The following MGAT4C variants were observed in gnomAD, a reference collection of about 807,000 sequenced individuals.
The protein encoded by MGAT4C is alpha-1,3-mannosyl-glycoprotein 4-beta-N-acetylglucosaminyltransferase C.
A neutral mutation model predicts 40.1 loss-of-function variants in MGAT4C; 19 were observed. The ratio of observed to expected loss-of-function variants is 0.47; its 90% CI spans 0.33 to 0.70. The LOEUF (loss-of-function observed/expected upper bound fraction) is 0.70. Among genes scored for constraint, MGAT4C ranks in the 30% least tolerant of loss-of-function variants. The pLI, the probability that MGAT4C is intolerant of heterozygous loss-of-function variation, is 0.02. For missense variants in MGAT4C, 491 were observed against 563.2 expected (o/e 0.87, Z 1.30); for synonymous variants, 181 against 187.1 (o/e 0.97, Z 0.27).
intron 4 of MGAT4C, among the ~76,000 whole-genome samples, chr12:86,319,030 GATGTGAC>G (rs902584074): frequency 2.0e-5 from 3 of 152,086 alleles, no homozygotes; most frequent in African/African-American, 7.2e-5. Flanking sequence ...TATTTCTTAA[GATGTGAC>G]AAACACCTAA....
chr12:86,596,547 CT>C (rs1229809186), intron 2 of MGAT4C, among the ~76,000 whole-genome samples: 1 of 152,132 alleles, frequency 6.6e-6, no homozygotes, highest in African/African-American at 2.4e-5. Context: ...GTTTTGTAAG[CT>C]TACTTTTTGG....
At chr12:86,260,927 T>C (rs1952645147), upstream of MGAT4C, among the ~76,000 whole-genome samples, 1 of 151,998 alleles carries the variant, frequency 6.6e-6, no homozygotes, top group African/African-American at 2.4e-5. Context: ...AACAAAGCTA[T>C]ATACCTTTTT....
upstream of MGAT4C, among the ~76,000 whole-genome samples, chr12:86,258,214 TG>T (rs1448471864): frequency 1.3e-5 from 2 of 151,926 alleles, no homozygotes; most frequent in African/African-American, 4.8e-5. Context: ...ATTTTTTTTT[TG>T]TTTGTTTGTT....
At chr12:86,094,182 T>C (rs1489326529) in intron 1 of MGAT4C, among the ~76,000 whole-genome samples, 1 of 152,082 alleles carries the variant, frequency 6.6e-6, no homozygotes, top group African/African-American at 2.4e-5. Context: ...AGCAATGTTA[T>C]ATGTACAAAA....
In MGAT4C at chr12:86,098,112, A is replaced by G. The variant is rs539025167; in HGVS notation, c.-56-48389T>C. 5.3e-5 allele frequency among the ~76,000 whole-genome samples: 8 copies of G among 151,838 alleles called. No individual in the cohort carries two copies. The South Asian group carries it at 1.7e-3, about 31-fold the overall frequency. ...GAGAAGCATTTCCTGTACTCAAGTC[A>G]TATTATATGTAATACATAAATTATA... is the stretch of plus-strand genomic sequence containing the variant. On this transcript the variant is annotated intron_variant, in intron 1 of 4. Transcript: ENST00000611864.
intron 3 of MGAT4C, among the ~76,000 whole-genome samples, chr12:86,421,587 C>G (rs1335261224): frequency 6.6e-6 from 1 of 152,068 alleles, no homozygotes; most frequent in East Asian, 1.9e-4. Flanking sequence ...GCCTTGCCAA[C>G]TAGCCTAGAG....
intron 2 of MGAT4C, among the ~76,000 whole-genome samples, chr12:86,026,328 A>T (rs372059859): frequency 6.6e-6 from 1 of 151,678 alleles, no homozygotes; most frequent in African/African-American, 2.4e-5. Flanking sequence ...GTGCATGCAC[A>T]TGCACACACA....
chr12:86,817,064 T>C lies in MGAT4C; in HGVS notation c.-262+21602A>G, dbSNP rs530860860. Among the ~76,000 whole-genome samples the C allele has an allele frequency of 1.6e-3, 238 of 150,894 alleles. 2 individuals are homozygous for C. Among genetic ancestry groups the C allele is most frequent in the Non-Finnish European group, 3.0e-3 (200 of 67,438 alleles). On this transcript the variant is annotated intron_variant, in intron 1 of 7. Coordinates refer to the MGAT4C transcript ENST00000548651. ...GTATATTCAGTTGCCTTCCTATTATTAAACCATTGAATTATACATGTTACA... is the reference window on the plus strand; with the variant it reads ...GTATATTCAGTTGCCTTCCTATTATCAAACCATTGAATTATACATGTTACA...
chr12:86,837,337 C>A (rs144909506), intron 1 of MGAT4C, among the ~76,000 whole-genome samples: 93 of 152,066 alleles, frequency 6.1e-4, no homozygotes, highest in African/African-American at 2.2e-3. Flanking sequence ...TTTTACAATC[C>A]CTGTGAGGAA....
chr12:86,694,690 A>G (rs1950225232), intron 2 of MGAT4C, among the ~76,000 whole-genome samples: 1 of 152,204 alleles, frequency 6.6e-6, no homozygotes, highest in African/African-American at 2.4e-5. Flanking sequence ...TACATCAGAA[A>G]GAAATTGTTG....
At chr12:86,591,463 TTGAA>T (rs1961327175) in intron 2 of MGAT4C, among the ~76,000 whole-genome samples, 1 of 151,980 alleles carries the variant, frequency 6.6e-6, no homozygotes, top group South Asian at 2.1e-4. Context: ...CACCTAGTAT[TTGAA>T]TGATTACAAA....
At chr12:86,185,277 C>G (rs1888631573) in intron 1 of MGAT4C, among the ~76,000 whole-genome samples, 1 of 152,082 alleles carries the variant, frequency 6.6e-6, no homozygotes, top group Admixed American at 6.6e-5. Flanking sequence ...TTACTATCTT[C>G]ATTTTGGTAA....
chr12:86,603,478 T>A (rs1357851105), intron 2 of MGAT4C, among the ~76,000 whole-genome samples: 1 of 117,306 alleles, frequency 8.5e-6, no homozygotes, highest in African/African-American at 3.4e-5. Flanking sequence ...CTATATATAG[T>A]CTATAGACTA....
intron 1 of MGAT4C, among the ~76,000 whole-genome samples, chr12:86,243,992 T>G (rs1951909216): frequency 6.6e-6 from 1 of 152,212 alleles, no homozygotes. Flanking sequence ...CCTGCCCCTG[T>G]GACTTCTAAG....
intron 2 of MGAT4C, among the ~76,000 whole-genome samples, chr12:86,690,234 A>G (rs1950151132): frequency 6.6e-6 from 1 of 152,158 alleles, no homozygotes; most frequent in African/African-American, 2.4e-5. Context: ...AAGCCAGTAG[A>G]TCTTAGCTTG....
intron 1 of MGAT4C, among the ~76,000 whole-genome samples, chr12:86,076,631 AG>A (rs1250935386): frequency 2.6e-5 from 4 of 152,182 alleles, no homozygotes; most frequent in African/African-American, 9.6e-5. Context: ...CACTTCTTAC[AG>A]GGCGGTGGCA....
At chr12:86,025,135 T>C (rs971333594) in intron 2 of MGAT4C, among the ~76,000 whole-genome samples, 2 of 151,706 alleles carry the variant, frequency 1.3e-5, no homozygotes, top group Non-Finnish European at 3.0e-5. Context: ...GGTCCCTAAA[T>C]ATAATTTTTA....
rs1225985028 is a variant in MGAT4C at position 86,585,342 on chromosome 12, T to C, written c.-229+141867A>G. 7.3e-5 allele frequency among the ~76,000 whole-genome samples: 11 copies of C among 151,658 alleles called. No individual in the cohort carries two copies. In the East Asian group the frequency reaches 2.1e-3, roughly 29 times the overall value. On this transcript the variant is annotated intron_variant, in intron 2 of 7. Coordinates refer to the MGAT4C transcript ENST00000548651. ...TTCAGAGTTAATGTAACAGTTTAAT[T>C]ATTGTTTAATTATGTGTAATGCATT...
chr12:86,212,585 CA>C (rs1200098602), intron 1 of MGAT4C, among the ~76,000 whole-genome samples: 1 of 151,762 alleles, frequency 6.6e-6, no homozygotes, highest in East Asian at 1.9e-4. Context: ...AAAAGAAAAA[CA>C]AAGGTATAAA....
Sources: gnomAD v4.1 joint callset for allele counts (sites outside exome capture counted in the v4.1 genomes callset) on GRCh38, gnomAD v4.1.1 for gene constraint, MANE v1.5 for transcripts, NCBI Gene and HGNC (gene_info 2026-07-23, HGNC 2026-07-21) for gene names.